Variants in KLHL32 observed in about 807,000 individuals in gnomAD.
The protein encoded by KLHL32 is kelch like family member 32, also known as kelch-like protein 32.
KLHL32 carries 35 observed loss-of-function variants against 64.8 expected under a neutral mutation model. The observed-to-expected ratio is 0.54, with a 90% CI of 0.41 to 0.72. The LOEUF is 0.72. KLHL32 is among the 30% of genes least tolerant of loss of function. The probability of loss-of-function intolerance (pLI) is 0.00; values close to 1 mark genes in which losing one functional copy is unlikely to be tolerated. For synonymous variants in KLHL32, 259 were observed against 281.0 expected (o/e 0.92, Z 0.78); for missense variants, 589 against 768.5 (o/e 0.77, Z 2.76).
intron 6 of KLHL32, among the ~76,000 whole-genome samples, chr6:97,097,734 C>T (rs1303416136): frequency 7.2e-5 from 11 of 152,068 alleles, no homozygotes; most frequent in South Asian, 2.1e-4. Context: ...AAAAATCCGT[C>T]CTTATCACTG....
upstream of KLHL32, among the ~76,000 whole-genome samples, chr6:96,922,951 T>C (rs1768798924): frequency 1.3e-5 from 2 of 152,216 alleles, no homozygotes; most frequent in African/African-American, 2.4e-5. Flanking sequence ...ACTAGGCATT[T>C]ACCATTTAAA....
At chr6:96,963,170 G>A (rs971623126) in intron 1 of KLHL32, among the ~76,000 whole-genome samples, 18 of 152,170 alleles carry the variant, frequency 1.2e-4, no homozygotes, top group Admixed American at 1.1e-3. Flanking sequence ...ACATGTGGGG[G>A]CACCCAGTGA....
intron 8 of KLHL32, 67 bp from the exon 9 acceptor site, chr6:97,130,690 C>G: frequency 2.4e-6 from 3 of 1,246,712 alleles, no homozygotes; most frequent in Non-Finnish European, 3.4e-6. Flanking sequence ...ACTTATGAGG[C>G]ACTCGTTGCT....
intron 5 of KLHL32, among the ~76,000 whole-genome samples, chr6:97,070,049 G>A (rs1052506925): frequency 6.6e-6 from 1 of 151,876 alleles, no homozygotes; most frequent in African/African-American, 2.4e-5. Context: ...TATAACTCAT[G>A]TTCATTTTTC....
At chr6:97,110,841 G>A (rs1583059988) in intron 6 of KLHL32, among the ~76,000 whole-genome samples, 1 of 152,256 alleles carries the variant, frequency 6.6e-6, no homozygotes, top group African/African-American at 2.4e-5. Flanking sequence ...GAAGCCTGCT[G>A]CTGTTGGTGT....
At chr6:97,016,446 G>A (rs542830985) in intron 3 of KLHL32, among the ~76,000 whole-genome samples, 123 of 152,190 alleles carry the variant, frequency 8.1e-4, no homozygotes, top group Non-Finnish European at 1.6e-3. Context: ...TTTCAGACTT[G>A]CATGGAACTG....
At chr6:96,990,309 T>A (rs1777696064) in intron 3 of KLHL32, among the ~76,000 whole-genome samples, 1 of 152,206 alleles carries the variant, frequency 6.6e-6, no homozygotes, top group Admixed American at 6.5e-5. Context: ...GGATCTTTAT[T>A]TGCAGCTGAT....
At chr6:97,121,217 G>T (rs1211523542) in intron 7 of KLHL32, among the ~76,000 whole-genome samples, 1 of 152,200 alleles carries the variant, frequency 6.6e-6, no homozygotes, top group African/African-American at 2.4e-5. Context: ...TTTGAACTCT[G>T]TGTCTCTGGT....
chr6:97,076,283 G>A (rs1030372027), intron 5 of KLHL32, among the ~76,000 whole-genome samples: 1 of 152,122 alleles, frequency 6.6e-6, no homozygotes, highest in Non-Finnish European at 1.5e-5. Context: ...CCCTTTACCC[G>A]CTCAGTGAGT....
intron 6 of KLHL32, among the ~76,000 whole-genome samples, chr6:97,099,978 C>T (rs2128194918): frequency 6.6e-6 from 1 of 152,056 alleles, no homozygotes; most frequent in African/African-American, 2.4e-5. Context: ...GATCCCATCT[C>T]TACTAAAAAT....
At chr6:96,987,994 A>G (rs1777331061) in intron 3 of KLHL32, among the ~76,000 whole-genome samples, 1 of 152,264 alleles carries the variant, frequency 6.6e-6, no homozygotes, top group Non-Finnish European at 1.5e-5. Context: ...TAAAACCATA[A>G]AAACCCTAGA....
chr6:97,085,367 T>C, intron 6 of KLHL32, 26 bp downstream of exon 6: 10 of 1,596,762 alleles, frequency 6.3e-6, no homozygotes, highest in Non-Finnish European at 8.6e-6. Context: ...ACGGTCGCTT[T>C]TGGCACTGAA....
chr6:96,913,568 G>T, the KLHL32 span, among the ~76,000 whole-genome samples: 1 of 152,168 alleles, frequency 6.6e-6, no homozygotes, highest in African/African-American at 2.4e-5. Context: ...CTTTTTGCAA[G>T]CGGTGCAAGC....
the KLHL32 span, among the ~76,000 whole-genome samples, chr6:96,904,219 A>G: frequency 4.6e-5 from 7 of 151,792 alleles, no homozygotes; most frequent in African/African-American, 1.5e-4. Flanking sequence ...GTGCACATCG[A>G]TAATCCCAGC....
intron 6 of KLHL32, among the ~76,000 whole-genome samples, chr6:97,103,856 T>C (rs142133609): frequency 6.6e-6 from 1 of 152,332 alleles, no homozygotes; most frequent in East Asian, 1.9e-4. Context: ...TAGATTAATT[T>C]TGGTTGCCTC....
chr6:97,069,400 C>CTTTTTTTT (rs199967868), intron 5 of KLHL32, among the ~76,000 whole-genome samples: 3 of 134,568 alleles, frequency 2.2e-5, no homozygotes, highest in African/African-American at 2.7e-5. Flanking sequence ...GATTTTGTTC[C>CTTTTTTTT]TTTTTTTTTT....
chr6:96,931,597 T>TA (rs1769899022), intron 1 of KLHL32, among the ~76,000 whole-genome samples: 1 of 152,238 alleles, frequency 6.6e-6, no homozygotes, highest in African/African-American at 2.4e-5. Flanking sequence ...TTTCTAAAGA[T>TA]ATAGTGCAAT....
intron 3 of KLHL32, among the ~76,000 whole-genome samples, chr6:96,991,838 C>T (rs1045252448): frequency 2.0e-5 from 3 of 152,122 alleles, no homozygotes; most frequent in Non-Finnish European, 4.4e-5. Context: ...ATCTAGAGGC[C>T]CTGCCCAGTG....
chr6:96,907,642 C>G, the KLHL32 span, among the ~76,000 whole-genome samples: 2 of 152,182 alleles, frequency 1.3e-5, no homozygotes, highest in Non-Finnish European at 2.9e-5. Flanking sequence ...CCCTAAGAGG[C>G]CACATTGTTT....
Sources: gnomAD v4.1 joint callset for allele counts (sites outside exome capture counted in the v4.1 genomes callset) on GRCh38, gnomAD v4.1.1 for gene constraint, MANE v1.5 for transcripts, NCBI Gene and HGNC (gene_info 2026-07-23, HGNC 2026-07-21) for gene names.